The following ST8SIA6 variants were observed in gnomAD, a reference collection of about 807,000 sequenced individuals.
ST8SIA6 encodes ST8 alpha-N-acetyl-neuraminide alpha-2,8-sialyltransferase 6.
ST8SIA6 carries 39 observed loss-of-function variants against 33.6 expected under a neutral mutation model. The observed-to-expected ratio is 1.16, with a 90% confidence interval of 0.90 to 1.52. ST8SIA6 has a LOEUF of 1.52. Ranked by LOEUF, ST8SIA6 falls within the 40% of genes most tolerant of loss-of-function variation. The pLI, the probability that ST8SIA6 is intolerant of heterozygous loss-of-function variation, is 0.00. For missense variants in ST8SIA6, 441 were observed against 443.8 expected, an observed-to-expected ratio of 0.99 and a Z score of 0.06; for synonymous variants, 172 against 167.2, an observed-to-expected ratio of 1.03 and a Z score of -0.22.
chr10:17,357,572 C>T (rs971699645), intron 4 of ST8SIA6, among the ~76,000 whole-genome samples: 22 of 152,122 alleles, frequency 1.4e-4, no homozygotes, highest in Non-Finnish European at 1.9e-4. Flanking sequence ...CTTTTGTATT[C>T]GGCAAGTTCT....
chr10:17,426,050 A>G (rs4747306), intron 2 of ST8SIA6, among the ~76,000 whole-genome samples: 90,396 of 151,824 alleles, frequency 0.6, 28,747 homozygotes, highest in African/African-American at 0.81. Flanking sequence ...CTGCCACCCC[A>G]TAGCATTATT....
At chr10:17,451,344 C>A (rs1285043029) in intron 2 of ST8SIA6, among the ~76,000 whole-genome samples, 1 of 152,142 alleles carries the variant, frequency 6.6e-6, no homozygotes, top group African/African-American at 2.4e-5. Context: ...CACATGTTCT[C>A]ATAAATAGGA....
chr10:17,427,657 G>T (rs1237236501), intron 2 of ST8SIA6, among the ~76,000 whole-genome samples: 1 of 152,212 alleles, frequency 6.6e-6, no homozygotes, highest in Non-Finnish European at 1.5e-5. Context: ...ACTTGAGGAT[G>T]GCAGCTGAAT....
At chr10:17,440,359 C>G (rs1272523025) in intron 2 of ST8SIA6, among the ~76,000 whole-genome samples, 2 of 152,036 alleles carry the variant, frequency 1.3e-5, no homozygotes, top group Admixed American at 1.3e-4. Flanking sequence ...GCGCCCGCCA[C>G]CATACCCTGC....
At chr10:17,361,787 T>C (rs1365205396) in intron 3 of ST8SIA6, among the ~76,000 whole-genome samples, 1 of 151,136 alleles carries the variant, frequency 6.6e-6, no homozygotes, top group Non-Finnish European at 1.5e-5. Flanking sequence ...AAAATATTAT[T>C]GAATTGAATC....
intron 2 of ST8SIA6, among the ~76,000 whole-genome samples, chr10:17,425,350 C>T (rs935249259): frequency 1.3e-5 from 2 of 152,042 alleles, no homozygotes; most frequent in African/African-American, 4.8e-5. Flanking sequence ...GGCTGAATCA[C>T]CTGAGATCAA....
At chr10:17,375,968 G>C (rs2131637964) in intron 3 of ST8SIA6, among the ~76,000 whole-genome samples, 1 of 152,296 alleles carries the variant, frequency 6.6e-6, no homozygotes, top group East Asian at 1.9e-4. Flanking sequence ...AGAGACGCCT[G>C]GCGGATTACC....
chr10:17,419,744 T>C (rs1851721754), intron 2 of ST8SIA6, among the ~76,000 whole-genome samples: 2 of 152,226 alleles, frequency 1.3e-5, no homozygotes, highest in East Asian at 3.8e-4. Flanking sequence ...TATCCCTTTC[T>C]TGTTTTTGTT....
Position 17,374,114 on chromosome 10 carries a change from C to CACAA in ST8SIA6, c.291-14515_291-14514insTTGT, listed in dbSNP as rs57818141. 2.1e-5 allele frequency among the ~76,000 whole-genome samples: 3 copies of CACAA among 142,026 alleles called. No homozygotes were observed. The East Asian group carries it at 6.3e-4, about 30-fold the overall frequency. 93.2% of individuals were successfully genotyped at this position (142,026 alleles called of 152,430 possible). A position where few individuals can be genotyped will look rare whatever the true frequency, so the allele number is the denominator to read the frequency against. On this transcript the variant is annotated intron_variant, in intron 3 of 7. Coordinates refer to ENST00000377602, the MANE Select transcript of ST8SIA6 (RefSeq NM_001004470.3). ...ACACACACACACACACACACACACA[C>CACAA]GGGAAAAGTAGTCTATTTCTCATCC... is the stretch of plus-strand genomic sequence containing the variant.
chr10:17,326,299 T>G (rs1848126879), intron 6 of ST8SIA6, among the ~76,000 whole-genome samples: 1 of 152,204 alleles, frequency 6.6e-6, no homozygotes, highest in African/African-American at 2.4e-5. Context: ...AGACTTCCAC[T>G]TACTCTTTGA....
At chr10:17,349,379 A>G (rs1338988464) in intron 4 of ST8SIA6, among the ~76,000 whole-genome samples, 1 of 152,232 alleles carries the variant, frequency 6.6e-6, no homozygotes, top group Non-Finnish European at 1.5e-5. Context: ...AGTTTAAACT[A>G]GTTAGTAAAA....
chr10:17,439,747 G>A (rs926221677), intron 2 of ST8SIA6, among the ~76,000 whole-genome samples: 1 of 152,086 alleles, frequency 6.6e-6, no homozygotes, highest in African/African-American at 2.4e-5. Context: ...CACTTCCCAC[G>A]TGTCAATTTA....
intron 2 of ST8SIA6, among the ~76,000 whole-genome samples, chr10:17,400,648 C>A (rs1851002250): frequency 6.6e-6 from 1 of 152,122 alleles, no homozygotes; most frequent in Non-Finnish European, 1.5e-5. Flanking sequence ...TAAACGTAAT[C>A]CAGCATATAA....
In ST8SIA6 at chr10:17,360,268, G is replaced by C. The variant is rs151089902; in HGVS notation, c.291-668C>G. Among the ~76,000 whole-genome samples the C allele has an allele frequency of 7.5e-3, 1,135 of 152,180 alleles. 5 individuals carry two copies. Among genetic ancestry groups the C allele is most frequent in the Middle Eastern group, 0.024 (7 of 294 alleles). ...TTGAAATGCAAGTATCCCTTTGAGT[G>C]AGAAAACTCTTAAATTTTATTTCAA... On this transcript the variant is annotated intron_variant, in intron 3 of 7. Coordinates refer to ENST00000377602, the MANE Select transcript of ST8SIA6 (RefSeq NM_001004470.3).
At chr10:17,436,982 CG>C (rs1316864229) in intron 2 of ST8SIA6, among the ~76,000 whole-genome samples, 3 of 152,136 alleles carry the variant, frequency 2.0e-5, no homozygotes, top group Non-Finnish European at 4.4e-5. Context: ...TGCTCAGTCT[CG>C]GGTACGTCTT....
chr10:17,320,997 A>G lies in ST8SIA6; in HGVS notation c.1078T>C (p.Tyr360His), dbSNP rs370770757. 63 of 1,614,108 alleles carry G rather than the reference A, an allele frequency of 3.9e-5. No individual in the cohort carries two copies. Among genetic ancestry groups the G allele is most frequent in the Non-Finnish European group, 4.8e-5 (57 of 1,179,968 alleles). Residue 360 changes from tyrosine (Y) to histidine (H), a missense_variant, in exon 8 of 8, where the codon TAT (tyrosine) becomes CAT (histidine). Physicochemically the swap from Tyr to His is moderately conservative, Grantham distance 83. Transcript: ENST00000377602. ...CCATGTTTAGGTAGCTTGTTGTCAT[A>G]ATAGTGATGGCTGACAGGTATGTCT... Reference protein sequence around the residue: ...VEDIPVSHHYYDNKLPKHGFH... With the variant: ...VEDIPVSHHYHDNKLPKHGFH...
chr10:17,327,237 G>C, intron 5 of ST8SIA6, 111 bp from the exon 6 acceptor site: 1 of 766,246 alleles, frequency 1.3e-6, no homozygotes, highest in Non-Finnish European at 2.0e-6. Flanking sequence ...AGAAGAATAC[G>C]AACAAGAAAA....
intron 2 of ST8SIA6, among the ~76,000 whole-genome samples, chr10:17,438,318 G>T (rs1003953907): frequency 6.6e-6 from 1 of 151,936 alleles, no homozygotes; most frequent in African/African-American, 2.4e-5. Context: ...TTGTGTATTC[G>T]GCATTAAACC....
intron 2 of ST8SIA6, among the ~76,000 whole-genome samples, chr10:17,408,601 A>G (rs1851349193): frequency 6.6e-6 from 1 of 151,960 alleles, no homozygotes; most frequent in Non-Finnish European, 1.5e-5. Context: ...TGGAGGTTGC[A>G]GTGAGCCGCG....
Sources: allele counts gnomAD v4.1 joint callset (sites outside exome capture counted in the v4.1 genomes callset), GRCh38; gene constraint gnomAD v4.1.1; transcripts MANE v1.5; gene names NCBI Gene and HGNC (gene_info 2026-07-23, HGNC 2026-07-21).